Variants in LRRC4C observed in about 807,000 individuals in gnomAD.
LRRC4C encodes leucine rich repeat containing 4C.
Under a neutral mutation model 33.6 loss-of-function variants are expected in LRRC4C, and 5 were observed. The observed-to-expected ratio is 0.15, with a 90% CI of 0.08 to 0.31. LRRC4C has a LOEUF of 0.31. Ranked by LOEUF, LRRC4C falls within the 10% of genes least tolerant of loss-of-function variation. The pLI, the probability that LRRC4C is intolerant of heterozygous loss-of-function variation, is 1.00. For missense variants in LRRC4C, 560 were observed against 796.7 expected (o/e 0.70, Z 3.58); for synonymous variants, 329 against 302.0 (o/e 1.09, Z -0.93).
At chr11:40,308,101 C>T (rs909537503) in intron 4 of LRRC4C, among the ~76,000 whole-genome samples, 3 of 152,158 alleles carry the variant, frequency 2.0e-5, no homozygotes, top group Non-Finnish European at 4.4e-5. Flanking sequence ...AAAAGAGAGC[C>T]AAGGAGGCAC....
At chr11:40,796,432 C>T (rs1487413986) in intron 2 of LRRC4C, among the ~76,000 whole-genome samples, 1 of 151,994 alleles carries the variant, frequency 6.6e-6, no homozygotes, top group Non-Finnish European at 1.5e-5. Context: ...AGTGAAAATA[C>T]ATGGGTGAAA....
chr11:40,762,183 A>G (rs1169279612), intron 2 of LRRC4C, among the ~76,000 whole-genome samples: 3 of 152,144 alleles, frequency 2.0e-5, no homozygotes, highest in Non-Finnish European at 2.9e-5. Flanking sequence ...GATGTAGGCT[A>G]ATGACGTGGC....
chr11:40,545,366 C>T (rs999976076), intron 3 of LRRC4C, among the ~76,000 whole-genome samples: 2 of 151,968 alleles, frequency 1.3e-5, no homozygotes, highest in Non-Finnish European at 2.9e-5. Flanking sequence ...TCTTCCATTA[C>T]TTTCAAGCAT....
chr11:41,420,257 C>T (rs965846480), intron 1 of LRRC4C, among the ~76,000 whole-genome samples: 1 of 151,952 alleles, frequency 6.6e-6, no homozygotes, highest in Admixed American at 6.6e-5. Flanking sequence ...CAGCCTTCCC[C>T]TCCTCACCAT....
chr11:41,127,259 T>G (rs1330049425), intron 1 of LRRC4C, among the ~76,000 whole-genome samples: 2 of 151,700 alleles, frequency 1.3e-5, no homozygotes, highest in Non-Finnish European at 2.9e-5. Flanking sequence ...ACTAGAGTTT[T>G]TTTTTTTTTT....
At chr11:41,171,596 T>C (rs542547980) in intron 1 of LRRC4C, among the ~76,000 whole-genome samples, 17 of 120,140 alleles carry the variant, frequency 1.4e-4, no homozygotes, top group East Asian at 2.5e-4. Context: ...CACCGGGGAC[T>C]GTTGTGGGGT....
At chr11:41,199,609 G>A (rs1016465859) in intron 1 of LRRC4C, among the ~76,000 whole-genome samples, 6 of 152,046 alleles carry the variant, frequency 3.9e-5, no homozygotes, top group African/African-American at 7.2e-5. Flanking sequence ...CTTTGGCTGC[G>A]ATATCTGCTA....
At chr11:40,994,178 C>A (rs553842338) in intron 1 of LRRC4C, among the ~76,000 whole-genome samples, 4 of 151,868 alleles carry the variant, frequency 2.6e-5, no homozygotes, top group African/African-American at 9.7e-5. Flanking sequence ...TGAAATCTTA[C>A]CAATATCCAG....
intron 2 of LRRC4C, among the ~76,000 whole-genome samples, chr11:40,875,867 A>G (rs1444475887): frequency 6.6e-6 from 1 of 152,120 alleles, no homozygotes; most frequent in Non-Finnish European, 1.5e-5. Flanking sequence ...ACAACTCACC[A>G]TAATGTAGAA....
chr11:40,849,819 G>C (rs1255562764), intron 2 of LRRC4C, among the ~76,000 whole-genome samples: 1 of 151,570 alleles, frequency 6.6e-6, no homozygotes, highest in Non-Finnish European at 1.5e-5. Context: ...ATATTTCTTG[G>C]AGGCTTTGTT....
At chr11:40,904,217 G>A (rs1368662427) in intron 2 of LRRC4C, among the ~76,000 whole-genome samples, 1 of 152,066 alleles carries the variant, frequency 6.6e-6, no homozygotes. Context: ...CCTCCTATTT[G>A]AAAGCTACCA....
intron 5 of LRRC4C, among the ~76,000 whole-genome samples, chr11:40,173,686 T>C (rs1201558415): frequency 6.6e-6 from 1 of 152,194 alleles, no homozygotes; most frequent in Admixed American, 6.5e-5. Flanking sequence ...ATCATACCTG[T>C]AAAACGTCAG....
At chr11:41,408,747 T>TAAAAAAAAAAAAAAA (rs35914452) in intron 1 of LRRC4C, among the ~76,000 whole-genome samples, 4 of 131,768 alleles carry the variant, frequency 3.0e-5, no homozygotes, top group African/African-American at 1.3e-4. Flanking sequence ...TATATTTTTG[T>TAAAAAAAAAAAAAAA]AAAAAAAAAA....
chr11:40,180,934 T>A (rs78388484), intron 5 of LRRC4C, among the ~76,000 whole-genome samples: 1 of 152,196 alleles, frequency 6.6e-6, no homozygotes, highest in Admixed American at 6.5e-5. Context: ...ATAGGCAGCA[T>A]TTTTCTCTGA....
chr11:40,216,660 A>G (rs894003485), intron 5 of LRRC4C, among the ~76,000 whole-genome samples: 1 of 152,184 alleles, frequency 6.6e-6, no homozygotes, highest in African/African-American at 2.4e-5. Context: ...ATTCCCAGAA[A>G]CTGGAAGAAC....
intron 2 of LRRC4C, among the ~76,000 whole-genome samples, chr11:40,660,906 A>G (rs1943399002): frequency 6.6e-6 from 1 of 152,214 alleles, no homozygotes; most frequent in Admixed American, 6.5e-5. Context: ...CAAATAATAA[A>G]TTTAATAGAG....
intron 1 of LRRC4C, among the ~76,000 whole-genome samples, chr11:41,453,600 C>T (rs984287741): frequency 6.6e-5 from 10 of 151,840 alleles, no homozygotes; most frequent in African/African-American, 2.4e-4. Flanking sequence ...GCAAATAAAT[C>T]CTTTGTTTGC....
chr11:41,277,838 C>G (rs754426740), intron 1 of LRRC4C, among the ~76,000 whole-genome samples: 2 of 151,932 alleles, frequency 1.3e-5, no homozygotes, highest in Non-Finnish European at 2.9e-5. Context: ...ATGTTCCCAG[C>G]AGTACATTAG....
chr11:40,474,292 T>C (rs913576177), intron 3 of LRRC4C, among the ~76,000 whole-genome samples: 1 of 152,082 alleles, frequency 6.6e-6, no homozygotes, highest in African/African-American at 2.4e-5. Context: ...TCTACAACCA[T>C]TGGATCTTTG....
Sources: gnomAD v4.1 joint callset for allele counts (sites outside exome capture counted in the v4.1 genomes callset) on GRCh38, gnomAD v4.1.1 for gene constraint, MANE v1.5 for transcripts, NCBI Gene and HGNC (gene_info 2026-07-23, HGNC 2026-07-21) for gene names.